The following ESR1 variants were observed in gnomAD, a reference collection of about 807,000 sequenced individuals.
The protein encoded by ESR1 is estrogen receptor 1, also known as estrogen receptor.
ESR1 carries 12 observed loss-of-function variants against 52.7 expected under a neutral mutation model. That is an observed-to-expected ratio of 0.23 (90% confidence interval 0.15 to 0.37). The LOEUF is 0.37. ESR1 is among the 10% of genes least tolerant of loss of function. The probability of loss-of-function intolerance (pLI) is 1.00; values close to 1 mark genes in which losing one functional copy is unlikely to be tolerated. For synonymous variants in ESR1, 305 were observed against 316.8 expected (o/e 0.96, Z 0.39); for missense variants, 584 against 779.7 (o/e 0.75, Z 2.99).
chr6:151,839,707 C>A (rs973497654), intron 1 of ESR1, among the ~76,000 whole-genome samples: 4 of 151,824 alleles, frequency 2.6e-5, no homozygotes, highest in South Asian at 4.2e-4. Context: ...ATGCTAGACA[C>A]AAAAAGCAAA....
chr6:151,825,339 G>T (rs938966711), intron 1 of ESR1, among the ~76,000 whole-genome samples: 8 of 152,146 alleles, frequency 5.3e-5, no homozygotes, highest in Admixed American at 3.9e-4. Context: ...GGTTTGTAAA[G>T]AAATCAGAGC....
intron 2 of ESR1, among the ~76,000 whole-genome samples, chr6:151,846,573 C>A (rs989510283): frequency 2.0e-5 from 3 of 152,174 alleles, no homozygotes; most frequent in Admixed American, 1.3e-4. Flanking sequence ...AAGAAGAGAG[C>A]TAGAAATGAG....
intron 2 of ESR1, among the ~76,000 whole-genome samples, chr6:151,709,673 T>C (rs1780442823): frequency 1.3e-5 from 2 of 152,132 alleles, no homozygotes; most frequent in South Asian, 2.1e-4. Flanking sequence ...TGTGAGATGA[T>C]ATCTCTTTGT....
At chr6:151,943,877 G>C (rs2035400761) in intron 3 of ESR1, among the ~76,000 whole-genome samples, 1 of 152,156 alleles carries the variant, frequency 6.6e-6, no homozygotes, top group Non-Finnish European at 1.5e-5. Flanking sequence ...CAATTTTCAG[G>C]AGTTTTGTAA....
intron 2 of ESR1, among the ~76,000 whole-genome samples, chr6:151,748,295 A>G (rs994991430): frequency 6.6e-6 from 1 of 152,302 alleles, no homozygotes; most frequent in South Asian, 2.1e-4. Flanking sequence ...AAAGTTGTCT[A>G]TGCACATATG....
intron 2 of ESR1, among the ~76,000 whole-genome samples, chr6:151,857,489 CCACCCACACA>C (rs1262869646): frequency 1.4e-5 from 2 of 145,650 alleles, no homozygotes; most frequent in Non-Finnish European, 3.0e-5. Flanking sequence ...ACACACCCAC[CCACCCACACA>C]CACACACACA....
intron 3 of ESR1, among the ~76,000 whole-genome samples, chr6:151,887,404 T>C (rs1794029250): frequency 6.6e-6 from 1 of 152,126 alleles, no homozygotes; most frequent in East Asian, 1.9e-4. Flanking sequence ...ACAAATATAC[T>C]GAATCAAGTA....
At chr6:151,668,286 T>C (rs961635949) in intron 1 of ESR1, among the ~76,000 whole-genome samples, 1 of 134,518 alleles carries the variant, frequency 7.4e-6, no homozygotes, top group Non-Finnish European at 1.7e-5. Flanking sequence ...CCTTTTTTTT[T>C]CTTTTTTTTT....
intron 1 of ESR1, among the ~76,000 whole-genome samples, chr6:151,659,629 G>A (rs551674252): frequency 2.6e-5 from 4 of 152,266 alleles, no homozygotes; most frequent in South Asian, 2.1e-4. Context: ...TGTGGGTACC[G>A]TCTGGGAATT....
chr6:152,049,849 T>C (rs2046532359), intron 5 of ESR1, among the ~76,000 whole-genome samples: 1 of 152,154 alleles, frequency 6.6e-6, no homozygotes, highest in Admixed American at 6.5e-5. Context: ...TTCCACCCCA[T>C]AGTAGTCAGG....
At chr6:151,902,601 A>G (rs1321843630) in intron 3 of ESR1, among the ~76,000 whole-genome samples, 2 of 152,194 alleles carry the variant, frequency 1.3e-5, no homozygotes, top group East Asian at 1.9e-4. Flanking sequence ...CTTGCATTCA[A>G]ATTTTAGCTC....
chr6:151,912,627 T>A (rs1349413421), intron 3 of ESR1, among the ~76,000 whole-genome samples: 6 of 152,144 alleles, frequency 3.9e-5, no homozygotes, highest in African/African-American at 1.2e-4. Context: ...TACATCCGTA[T>A]AAACATCTCA....
chr6:151,988,454 G>A (rs1023397687), intron 4 of ESR1, among the ~76,000 whole-genome samples: 7 of 152,104 alleles, frequency 4.6e-5, no homozygotes, highest in African/African-American at 9.7e-5. Flanking sequence ...TCACTTGCAC[G>A]TTCACTGCTC....
chr6:151,891,834 T>C (rs575390283), intron 3 of ESR1, among the ~76,000 whole-genome samples: 1 of 152,248 alleles, frequency 6.6e-6, no homozygotes, highest in Admixed American at 6.5e-5. Flanking sequence ...ACATCAATCA[T>C]ATGTTGGCTT....
At chr6:151,994,035 C>T (rs1393176331) in intron 4 of ESR1, among the ~76,000 whole-genome samples, 2 of 152,130 alleles carry the variant, frequency 1.3e-5, no homozygotes, top group Non-Finnish European at 2.9e-5. Flanking sequence ...TTGCTTAATT[C>T]TCCTAACAAC....
intron 5 of ESR1, among the ~76,000 whole-genome samples, chr6:152,048,006 GT>G (rs2046367352): frequency 1.7e-5 from 2 of 116,932 alleles, no homozygotes; most frequent in Admixed American, 1.2e-4. Context: ...CCAAACGCAT[GT>G]CTCTCTTCTT....
At position 151,968,601 on chromosome 6, in the gene ESR1, C is replaced by T. The variant is rs1304187190; in HGVS notation, c.1096+24093C>T. On this transcript the variant is annotated intron_variant, in intron 4 of 7. Coordinates refer to ENST00000206249, the MANE Select transcript of ESR1 (RefSeq NM_000125.4). ...TTAATCATGTTTGTTCTCTTGTGTC[C>T]TCTCTTTCTTTCTCTCGATTTTCCA... Among the ~76,000 whole-genome samples, 4 of 151,984 alleles carry T rather than the reference C, an allele frequency of 2.6e-5. No homozygotes were observed. The East Asian group carries it at 5.8e-4, about 22-fold the overall frequency.
At chr6:151,934,408 C>T (rs967541531) in intron 3 of ESR1, among the ~76,000 whole-genome samples, 1 of 152,188 alleles carries the variant, frequency 6.6e-6, no homozygotes, top group Non-Finnish European at 1.5e-5. Flanking sequence ...CAGAGCAGTG[C>T]CTGACTCTCA....
chr6:151,812,940 C>A (rs1779039922), intron 1 of ESR1, among the ~76,000 whole-genome samples: 1 of 150,854 alleles, frequency 6.6e-6, no homozygotes, highest in African/African-American at 2.5e-5. Context: ...TTAAACTCCG[C>A]CAGTGAATTG....
Sources: allele counts gnomAD v4.1 joint callset (sites outside exome capture counted in the v4.1 genomes callset), GRCh38; gene constraint gnomAD v4.1.1; transcripts MANE v1.5; gene names NCBI Gene and HGNC (gene_info 2026-07-23, HGNC 2026-07-21).